KIAA0040: variants seen among roughly 807,000 people sequenced by gnomAD.
KIAA0040 encodes KIAA0040.
In KIAA0040, 10 loss-of-function variants were observed where a neutral mutation model predicts 7.2. The observed-to-expected ratio is 1.38, with a 90% confidence interval of 0.85 to 2.34. The LOEUF is 2.34. KIAA0040 is among the 30% of genes most tolerant of loss of function. KIAA0040 has a pLI of 0.00. For missense variants in KIAA0040, 89 were observed against 108.2 expected (o/e 0.82, Z 0.79); for synonymous variants, 49 against 40.1 (o/e 1.22, Z -0.84).
chr1:175,187,420 G>A (rs1452058279), intron 1 of KIAA0040, among the ~76,000 whole-genome samples: 1 of 152,194 alleles, frequency 6.6e-6, no homozygotes, highest in Non-Finnish European at 1.5e-5. Flanking sequence ...TACAGCCAGG[G>A]CTTTGGTACA....
At chr1:175,167,559 G>A (rs925793870) in intron 2 of KIAA0040, among the ~76,000 whole-genome samples, 6 of 152,188 alleles carry the variant, frequency 3.9e-5, no homozygotes, top group Non-Finnish European at 8.8e-5. Context: ...AGAGTTTGCT[G>A]TGAGAGCCAC....
intron 1 of KIAA0040, among the ~76,000 whole-genome samples, chr1:175,182,037 C>A (rs1677460591): frequency 6.6e-6 from 1 of 152,220 alleles, no homozygotes; most frequent in Admixed American, 6.5e-5. Context: ...ACTCCAGCCC[C>A]TGATGGGGAT....
intron 3 of KIAA0040, among the ~76,000 whole-genome samples, chr1:175,163,114 G>C (rs577753394): frequency 6.6e-6 from 1 of 152,170 alleles, no homozygotes; most frequent in Non-Finnish European, 1.5e-5. Context: ...CTCCAGATCC[G>C]CAAGGAGTGA....
intron 1 of KIAA0040, among the ~76,000 whole-genome samples, chr1:175,185,992 T>G (rs1019501463): frequency 2.6e-5 from 4 of 152,166 alleles, no homozygotes; most frequent in African/African-American, 9.7e-5. Flanking sequence ...AGCAACTCCA[T>G]AGAGGTAGGA....
At chr1:175,166,241 G>C (rs187063420) in intron 3 of KIAA0040, among the ~76,000 whole-genome samples, 2 of 152,222 alleles carry the variant, frequency 1.3e-5, no homozygotes, top group Admixed American at 1.3e-4. Context: ...CCTTGGGTGC[G>C]CTGATCACTG....
chr1:175,176,216 A>C (rs549997615), intron 2 of KIAA0040, among the ~76,000 whole-genome samples: 58 of 152,350 alleles, frequency 3.8e-4, no homozygotes, highest in African/African-American at 1.4e-3. Flanking sequence ...TAAATTATGC[A>C]ACTCAAAAGT....
Position 175,171,808 on chromosome 1 carries a change from T to C in KIAA0040, c.-309-5071A>G, listed in dbSNP as rs542343709. ...TCTTTCCTAATTACTATATGCTCTA[T>C]TTCAGGTTCAGCAGAAAAGAAAATT... is the stretch of plus-strand genomic sequence containing the variant. On this transcript the variant is annotated intron_variant, in intron 2 of 3. Transcript: ENST00000423313. Among the ~76,000 whole-genome samples, 10 of 152,314 alleles carry C rather than the reference T, an allele frequency of 6.6e-5. No individual in the cohort carries two copies. In the South Asian group the frequency reaches 1.7e-3, roughly 25 times the overall value.
Position 175,161,044 on chromosome 1 carries a change from C to T in KIAA0040, c.-31G>A. Reference sequence around the variant, plus strand: ...TTGGCTAGATTAGGGCCAGAGAACCCTCTCGGCTTACAAGCAGGTCCTGGG... The same window carrying T: ...TTGGCTAGATTAGGGCCAGAGAACCTTCTCGGCTTACAAGCAGGTCCTGGG... On this transcript the variant is annotated 5_prime_UTR_variant, in exon 4 of 4. Coordinates refer to ENST00000423313, the MANE Select transcript of KIAA0040 (RefSeq NM_014656.3). 6.6e-7 allele frequency: 1 copy of T among 1,524,594 alleles called. No homozygotes were observed. Among genetic ancestry groups the T allele is most frequent in the Non-Finnish European group, 8.8e-7 (1 of 1,133,546 alleles). 94.4% of individuals were successfully genotyped at this position (1,524,594 alleles called of 1,614,324 possible). A position where few individuals can be genotyped will look rare whatever the true frequency, so the allele number is the denominator to read the frequency against.
In KIAA0040 at chr1:175,158,148, C is replaced by T. The variant is rs1198203062; in HGVS notation, c.*2566G>A. ...TTTAACAAAACGTTTAGGGCCTATCCTGCACTGGGACTCCTCTAGTTACGC... is the reference window on the plus strand; with the variant it reads ...TTTAACAAAACGTTTAGGGCCTATCTTGCACTGGGACTCCTCTAGTTACGC... On this transcript the variant is annotated 3_prime_UTR_variant, in exon 4 of 4. Transcript: ENST00000423313. 4 of 152,270 alleles carry T rather than the reference C, an allele frequency of 2.6e-5. No individual in the cohort carries two copies. The highest frequency in any genetic ancestry group is 4.4e-5 in the Non-Finnish European group (3 of 68,076). The allele number at this position is 152,270 out of a possible 1,614,324, so 9.4% of individuals were successfully genotyped here.
At chr1:175,182,852 G>A (rs1390239120) in intron 1 of KIAA0040, among the ~76,000 whole-genome samples, 2 of 152,230 alleles carry the variant, frequency 1.3e-5, no homozygotes, top group African/African-American at 4.8e-5. Flanking sequence ...CACATCTTCA[G>A]TGCATGTTGG....
intron 2 of KIAA0040, among the ~76,000 whole-genome samples, chr1:175,170,729 T>C (rs1017709892): frequency 2.0e-5 from 3 of 152,168 alleles, no homozygotes; most frequent in African/African-American, 7.2e-5. Flanking sequence ...AGGCCTTTGC[T>C]GTCTCTCACC....
At chr1:175,180,394 T>C (rs1489073727) in intron 1 of KIAA0040, among the ~76,000 whole-genome samples, 1 of 152,230 alleles carries the variant, frequency 6.6e-6, no homozygotes, top group African/African-American at 2.4e-5. Context: ...TAAGGTCTCA[T>C]ACCTAATAAA....
intron 3 of KIAA0040, among the ~76,000 whole-genome samples, chr1:175,164,284 T>C (rs1418880515): frequency 6.6e-6 from 1 of 152,234 alleles, no homozygotes; most frequent in Non-Finnish European, 1.5e-5. Flanking sequence ...GCACCTAATA[T>C]GTTTCATGCA....
At chr1:175,171,575 C>A (rs758606083) in intron 2 of KIAA0040, among the ~76,000 whole-genome samples, 2 of 152,196 alleles carry the variant, frequency 1.3e-5, no homozygotes, top group African/African-American at 4.8e-5. Context: ...TAATTATCCA[C>A]CCGCAGACTG....
At chr1:175,191,864 C>T (rs1677880637) in intron 1 of KIAA0040, among the ~76,000 whole-genome samples, 2 of 152,226 alleles carry the variant, frequency 1.3e-5, no homozygotes, top group Admixed American at 1.3e-4. Flanking sequence ...CGCTAAGTAG[C>T]ATGGCATGCT....
chr1:175,167,094 C>T (rs1676794076), intron 2 of KIAA0040, among the ~76,000 whole-genome samples: 1 of 152,086 alleles, frequency 6.6e-6, no homozygotes, highest in African/African-American at 2.4e-5. Context: ...AACAAGACCC[C>T]ACGATGCTAT....
intron 3 of KIAA0040, among the ~76,000 whole-genome samples, chr1:175,163,430 T>C (rs1012266667): frequency 6.6e-6 from 1 of 151,940 alleles, no homozygotes; most frequent in Non-Finnish European, 1.5e-5. Flanking sequence ...TCCTGAGGAG[T>C]CATGTCCTCT....
chr1:175,175,777 C>CA (rs1425473648), intron 2 of KIAA0040, among the ~76,000 whole-genome samples: 3 of 151,668 alleles, frequency 2.0e-5, no homozygotes, highest in Admixed American at 6.6e-5. Flanking sequence ...ATTGCAAGGA[C>CA]AAAAAACCAA....
rs914180766 is a variant in KIAA0040, at chr1:175,161,836, G to T, written c.-133-690C>A. On this transcript the variant is annotated intron_variant, in intron 3 of 3. Transcript: ENST00000423313. ...CTGAGAGAACCAGGGGTGACCATTT[G>T]CTGGCTTTCCACTTTCTACCTTCTA... Among the ~76,000 whole-genome samples the T allele has an allele frequency of 3.9e-5, 6 of 152,270 alleles. No individual in the cohort carries two copies. In the East Asian group the frequency reaches 7.7e-4, roughly 20 times the overall value.
Sources: allele counts gnomAD v4.1 joint callset (sites outside exome capture counted in the v4.1 genomes callset), GRCh38; gene constraint gnomAD v4.1.1; transcripts MANE v1.5; gene names NCBI Gene and HGNC (gene_info 2026-07-23, HGNC 2026-07-21).